The following GNA12 variants were observed in gnomAD, a reference collection of about 807,000 sequenced individuals.
GNA12 encodes guanine nucleotide-binding protein subunit alpha-12.
A neutral mutation model predicts 26.0 loss-of-function variants in GNA12; 9 were observed. The ratio of observed to expected loss-of-function variants is 0.35; its 90% CI spans 0.21 to 0.60. The LOEUF (loss-of-function observed/expected upper bound fraction) is 0.60, where lower values mean the gene tolerates loss of function less well. Ranked by LOEUF, GNA12 falls within the 20% of genes least tolerant of loss-of-function variation. The pLI, the probability that GNA12 is intolerant of heterozygous loss-of-function variation, is 0.78. For synonymous variants in GNA12, 264 were observed against 219.6 expected, an observed-to-expected ratio of 1.20 and a Z score of -1.79; for missense variants, 405 against 525.8, an observed-to-expected ratio of 0.77 and a Z score of 2.25.
At position 2,748,354 on chromosome 7, in the gene GNA12, T is replaced by C. The variant is rs1337896510; in HGVS notation, c.526-14853A>G. ...AGAACAGAGCCCTCAGAAATAATGC[T>C]GCATATCTACAACTATCTGATCTTT... is the stretch of plus-strand genomic sequence containing the variant. On this transcript the variant is annotated intron_variant, in intron 2 of 3. Transcript: ENST00000275364. Among the ~76,000 whole-genome samples the C allele has an allele frequency of 3.3e-5, 5 of 152,184 alleles. No homozygotes were observed. In the East Asian group the frequency reaches 9.6e-4, roughly 29 times the overall value.
chr7:2,840,280 T>C (rs1037257206), intron 1 of GNA12, among the ~76,000 whole-genome samples: 2 of 152,208 alleles, frequency 1.3e-5, no homozygotes, highest in African/African-American at 4.8e-5. Context: ...AAAAAAGGCA[T>C]GTTTAGTTCC....
intron 2 of GNA12, among the ~76,000 whole-genome samples, chr7:2,759,377 A>G (rs375712210): frequency 9.9e-5 from 15 of 152,152 alleles, no homozygotes; most frequent in Admixed American, 6.5e-4. Context: ...GGCCTCCCCC[A>G]TATCACCTTC....
At chr7:2,749,439 C>G (rs778748814) in intron 2 of GNA12, among the ~76,000 whole-genome samples, 23 of 149,776 alleles carry the variant, frequency 1.5e-4, no homozygotes, top group Admixed American at 1.2e-3. Context: ...CATGTTCTCA[C>G]TCATAGGTGG....
chr7:2,840,528 G>A (rs541648227), intron 1 of GNA12, among the ~76,000 whole-genome samples: 1 of 152,308 alleles, frequency 6.6e-6, no homozygotes, highest in African/African-American at 2.4e-5. Context: ...TCATTCAAAT[G>A]TCCAGTACTA....
chr7:2,834,916 C>T (rs1195278958), intron 1 of GNA12, among the ~76,000 whole-genome samples: 1 of 152,168 alleles, frequency 6.6e-6, no homozygotes, highest in Non-Finnish European at 1.5e-5. Context: ...CGATGCATTT[C>T]CTGGACGGGA....
intron 1 of GNA12, among the ~76,000 whole-genome samples, chr7:2,806,271 G>C (rs1792944344): frequency 6.6e-6 from 1 of 152,062 alleles, no homozygotes; most frequent in Admixed American, 6.5e-5. Flanking sequence ...CTGAGGTCAG[G>C]AGTTCGAGAC....
chr7:2,775,632 C>T (rs903138707), intron 2 of GNA12: 2 of 152,236 alleles, frequency 1.3e-5, no homozygotes, highest in Non-Finnish European at 2.9e-5. Context: ...CGCCTGTGTC[C>T]TACCCAACAG....
At chr7:2,801,117 A>C (rs529318738) in intron 1 of GNA12, among the ~76,000 whole-genome samples, 1 of 152,290 alleles carries the variant, frequency 6.6e-6, no homozygotes, top group Non-Finnish European at 1.5e-5. Context: ...CAGCCTGGCA[A>C]CAGTGGCTTG....
intron 2 of GNA12, among the ~76,000 whole-genome samples, chr7:2,739,141 T>C (rs1208428051): frequency 6.6e-6 from 1 of 152,234 alleles, no homozygotes; most frequent in Non-Finnish European, 1.5e-5. Flanking sequence ...ACCAGCCCCC[T>C]TGCCTGGGTT....
At chr7:2,813,751 T>C (rs1793142420) in intron 1 of GNA12, among the ~76,000 whole-genome samples, 2 of 152,300 alleles carry the variant, frequency 1.3e-5, no homozygotes, top group South Asian at 2.1e-4. Flanking sequence ...AGTCTGCCCA[T>C]CTGCAAAGAC....
At chr7:2,736,572 G>C (rs551170268) in intron 2 of GNA12, among the ~76,000 whole-genome samples, 1 of 152,068 alleles carries the variant, frequency 6.6e-6, no homozygotes, top group Non-Finnish European at 1.5e-5. Context: ...GTTGATATGG[G>C]GCCTGTGCAC....
intron 2 of GNA12, chr7:2,794,642 A>AG: frequency 2.5e-6 from 1 of 407,612 alleles, no homozygotes; most frequent in Non-Finnish European, 4.4e-6. Flanking sequence ...TCTAAAAAAA[A>AG]CTAAATTTCT....
chr7:2,775,378 T>C (rs938332490), intron 2 of GNA12: 3 of 152,074 alleles, frequency 2.0e-5, no homozygotes, highest in Non-Finnish European at 4.4e-5. Context: ...ATTGAAGTCA[T>C]GGGGTCTAAA....
At chr7:2,826,568 A>G (rs1224271814) in intron 1 of GNA12, among the ~76,000 whole-genome samples, 1 of 152,214 alleles carries the variant, frequency 6.6e-6, no homozygotes, top group Non-Finnish European at 1.5e-5. Context: ...ATGGATAAAC[A>G]AAGTGTGGTA....
intron 2 of GNA12, among the ~76,000 whole-genome samples, chr7:2,737,500 G>A (rs1284373963): frequency 6.6e-6 from 1 of 151,968 alleles, no homozygotes; most frequent in Non-Finnish European, 1.5e-5. Context: ...GGTTAACCAG[G>A]CTGGTCTCGA....
chr7:2,825,978 A>C (rs1793475966), intron 1 of GNA12, among the ~76,000 whole-genome samples: 2 of 152,116 alleles, frequency 1.3e-5, no homozygotes. Context: ...CTAAAATCCA[A>C]AACAGACAAT....
At chr7:2,826,702 C>A (rs1793492508) in intron 1 of GNA12, among the ~76,000 whole-genome samples, 1 of 152,168 alleles carries the variant, frequency 6.6e-6, no homozygotes, top group Non-Finnish European at 1.5e-5. Flanking sequence ...GCTACATATT[C>A]CTGATTCCAA....
chr7:2,810,821 C>G (rs186350249), intron 1 of GNA12, among the ~76,000 whole-genome samples: 1 of 152,136 alleles, frequency 6.6e-6, no homozygotes, highest in Non-Finnish European at 1.5e-5. Context: ...TCACTTGAAC[C>G]CAGGAGGCAA....
At chr7:2,840,679 T>C (rs1171233580) in intron 1 of GNA12, among the ~76,000 whole-genome samples, 1 of 152,040 alleles carries the variant, frequency 6.6e-6, no homozygotes, top group Non-Finnish European at 1.5e-5. Context: ...GGCAACATAG[T>C]GAGACCCCAT....
Sources: gnomAD v4.1 joint callset for allele counts (sites outside exome capture counted in the v4.1 genomes callset) on GRCh38, gnomAD v4.1.1 for gene constraint, MANE v1.5 for transcripts, NCBI Gene and HGNC (gene_info 2026-07-23, HGNC 2026-07-21) for gene names.